C5: variants seen among roughly 807,000 people sequenced by gnomAD.
C5 encodes complement C5.
A neutral mutation model predicts 218.8 loss-of-function variants in C5; 140 were observed. The ratio of observed to expected loss-of-function variants is 0.64; its 90% CI spans 0.56 to 0.74. C5 has a LOEUF of 0.74. Ranked by LOEUF, C5 falls within the 30% of genes least tolerant of loss-of-function variation. C5 has a pLI of 0.00. For synonymous variants in C5, 614 were observed against 682.3 expected (o/e 0.90, Z 1.56); for missense variants, 1,700 against 1,969.6 (o/e 0.86, Z 2.59).
chr9:121,062,184 C>T, the C5 span, among the ~76,000 whole-genome samples: 3 of 152,142 alleles, frequency 2.0e-5, no homozygotes, highest in African/African-American at 7.2e-5. Flanking sequence ...CAGCCACAGA[C>T]ATACTTTTCT....
chr9:121,000,040 C>A, intron 20 of C5: 6 of 256,498 alleles, frequency 2.3e-5, no homozygotes, highest in South Asian at 6.8e-5. Context: ...GCCTGGGCGA[C>A]AGGGCGAGAC....
chr9:120,998,639 C>A (rs919201859), intron 20 of C5, among the ~76,000 whole-genome samples: 1 of 152,160 alleles, frequency 6.6e-6, no homozygotes, highest in Non-Finnish European at 1.5e-5. Context: ...TCCAGAAAGA[C>A]CTGGATTCAA....
chr9:120,973,594 A>G (rs914724898), intron 30 of C5, among the ~76,000 whole-genome samples: 10 of 152,134 alleles, frequency 6.6e-5, no homozygotes, highest in African/African-American at 2.4e-4. Context: ...AAATATCTGG[A>G]TCCTTAAATG....
intron 20 of C5, among the ~76,000 whole-genome samples, chr9:120,998,040 T>G (rs763899126): frequency 6.6e-6 from 1 of 152,094 alleles, no homozygotes; most frequent in Non-Finnish European, 1.5e-5. Flanking sequence ...TGATCTCAGG[T>G]GATCCGCCCA....
chr9:120,981,862 G>A lies in C5; in HGVS notation c.3468C>T (p.Phe1156=), dbSNP rs754005317. 8 of 1,613,246 alleles carry A rather than the reference G, an allele frequency of 5.0e-6. No homozygotes were observed. The highest frequency in any genetic ancestry group is 3.3e-5 in the South Asian group (3 of 91,068). The change falls in exon 27 of 41, where the codon TTC becomes TTT. Residue 1156 remains phenylalanine (F), a synonymous_variant. Coordinates refer to ENST00000223642, the MANE Select transcript of C5 (RefSeq NM_001735.3). ...TACTTACCACCAGGGGGCATATATC[G>A]AAAGCCTTTCTAATTCCAATCACAG... ...AFTVIGIRKA[F]DICPLVKIDT...
At chr9:121,006,187 ACT>A in intron 19 of C5, 129 bp from the exon 20 acceptor site, 1 of 827,816 alleles carries the variant, frequency 1.2e-6, no homozygotes, top group Non-Finnish European at 2.0e-6. Context: ...TTTTCTCTGA[ACT>A]CTCAACTCAT....
At chr9:120,982,026 G>C (rs987267180) in intron 26 of C5, 87 bp from the exon 27 acceptor site, 10 of 903,604 alleles carry the variant, frequency 1.1e-5, no homozygotes, top group Non-Finnish European at 1.8e-5. Flanking sequence ...TTGTTTGTTT[G>C]TTTGAGATGG....
At chr9:121,041,900 C>G (rs1185837536) in intron 3 of C5, among the ~76,000 whole-genome samples, 1 of 152,180 alleles carries the variant, frequency 6.6e-6, no homozygotes, top group Non-Finnish European at 1.5e-5. Flanking sequence ...AGCAATATCT[C>G]CACCCCCTTT....
At chr9:121,038,524 A>T (rs998621805) in intron 3 of C5, among the ~76,000 whole-genome samples, 1 of 152,184 alleles carries the variant, frequency 6.6e-6, no homozygotes, top group Non-Finnish European at 1.5e-5. Context: ...TTGTTAAAAG[A>T]GCAATGGCAG....
At chr9:121,045,378 A>G (rs2047618513) in intron 2 of C5, among the ~76,000 whole-genome samples, 1 of 152,188 alleles carries the variant, frequency 6.6e-6, no homozygotes, top group Non-Finnish European at 1.5e-5. Context: ...ATACAAACTT[A>G]AAACGGTACA....
chr9:121,007,827 A>G (rs1051938633), intron 18 of C5, among the ~76,000 whole-genome samples: 15 of 152,226 alleles, frequency 9.9e-5, no homozygotes, highest in African/African-American at 3.4e-4. Context: ...TGAAATGGAC[A>G]ATTGTGTGGA....
intron 22 of C5, among the ~76,000 whole-genome samples, chr9:120,995,285 TAAAAC>T (rs1441010729): frequency 1.3e-5 from 2 of 152,152 alleles, no homozygotes; most frequent in Non-Finnish European, 2.9e-5. Flanking sequence ...ATCATTGAAA[TAAAAC>T]AAAAATTATT....
chr9:121,000,058 CAAAAA>C, intron 20 of C5: 1 of 170,898 alleles, frequency 5.9e-6, no homozygotes. Context: ...GACTCTGTCT[CAAAAA>C]AAAAAAAAAT....
the C5 span, among the ~76,000 whole-genome samples, chr9:121,056,598 G>C: frequency 6.6e-6 from 1 of 151,980 alleles, no homozygotes; most frequent in Non-Finnish European, 1.5e-5. Flanking sequence ...AAATGCACTG[G>C]AGTCTCTCAA....
At chr9:121,062,626 G>A in the C5 span, among the ~76,000 whole-genome samples, 1 of 152,182 alleles carries the variant, frequency 6.6e-6, no homozygotes, top group Non-Finnish European at 1.5e-5. Flanking sequence ...AAGACAACTA[G>A]ATAACATCAA....
At chr9:121,039,829 C>T (rs1000224425) in intron 3 of C5, among the ~76,000 whole-genome samples, 3 of 151,890 alleles carry the variant, frequency 2.0e-5, no homozygotes, top group Non-Finnish European at 2.9e-5. Flanking sequence ...TTTGTATTAG[C>T]TCACATCCCG....
the C5 span, among the ~76,000 whole-genome samples, chr9:121,072,170 G>T: frequency 6.6e-6 from 1 of 152,146 alleles, no homozygotes. Context: ...ACATGGGACC[G>T]GTGAGTGCCC....
At chr9:121,024,642 G>A (rs1428670060) in intron 9 of C5, among the ~76,000 whole-genome samples, 1 of 152,038 alleles carries the variant, frequency 6.6e-6, no homozygotes, top group East Asian at 1.9e-4. Flanking sequence ...TAGCAACTCT[G>A]CCTCAAAACC....
At chr9:121,013,822 C>A in intron 17 of C5, 51 bp downstream of exon 17, 1 of 1,486,654 alleles carries the variant, frequency 6.7e-7, no homozygotes, top group Non-Finnish European at 9.4e-7. Flanking sequence ...CATAAAATTA[C>A]ACAAAATTCC....
Sources: gnomAD v4.1 joint callset for allele counts (sites outside exome capture counted in the v4.1 genomes callset) on GRCh38, gnomAD v4.1.1 for gene constraint, MANE v1.5 for transcripts, NCBI Gene and HGNC (gene_info 2026-07-23, HGNC 2026-07-21) for gene names.